The following C5orf46 variants were observed in gnomAD, a reference collection of about 807,000 sequenced individuals.
The protein encoded by C5orf46 is chromosome 5 open reading frame 46, also known as uncharacterized protein C5orf46.
In C5orf46, 9 loss-of-function variants were observed where a neutral mutation model predicts 8.9. The ratio of observed to expected loss-of-function variants is 1.01; its 90% CI spans 0.61 to 1.76. C5orf46 has a LOEUF of 1.76. Ranked by LOEUF, C5orf46 falls within the 40% of genes most tolerant of loss-of-function variation. The probability of loss-of-function intolerance (pLI) is 0.00; values close to 1 mark genes in which losing one functional copy is unlikely to be tolerated. For synonymous variants in C5orf46, 47 were observed against 41.4 expected (o/e 1.14, Z -0.52); for missense variants, 98 against 107.8 (o/e 0.91, Z 0.40).
intron 2 of C5orf46, chr5:147,887,258 C>T (rs1334510867): frequency 1.3e-5 from 2 of 152,040 alleles, no homozygotes; most frequent in East Asian, 1.9e-4. Flanking sequence ...TCAAGGAAAA[C>T]ATTTGTGTAT....
downstream of C5orf46, among the ~76,000 whole-genome samples, chr5:147,891,393 G>A (rs115849651): frequency 0.014 from 2,190 of 152,222 alleles, 58 homozygotes; most frequent in African/African-American, 0.049. Context: ...GGAGGAAGAG[G>A]AAACACACAT....
At chr5:147,896,537 T>C (rs183032235) in intron 3 of C5orf46, among the ~76,000 whole-genome samples, 32 of 152,322 alleles carry the variant, frequency 2.1e-4, no homozygotes, top group African/African-American at 7.2e-4. Context: ...GCACTCAAAC[T>C]ATATTGTTTG....
chr5:147,892,313 G>T (rs1366728948), downstream of C5orf46, among the ~76,000 whole-genome samples: 1 of 152,112 alleles, frequency 6.6e-6, no homozygotes, highest in African/African-American at 2.4e-5. Context: ...CCCTGACACT[G>T]CTATTTTATG....
chr5:147,896,031 A>G (rs575014017), intron 3 of C5orf46, among the ~76,000 whole-genome samples: 6 of 152,196 alleles, frequency 3.9e-5, no homozygotes, highest in Non-Finnish European at 5.9e-5. Context: ...GGGAAAGGCC[A>G]TGCTTCCTGA....
chr5:147,899,563 T>G (rs1757635308), intron 2 of C5orf46, among the ~76,000 whole-genome samples: 1 of 152,214 alleles, frequency 6.6e-6, no homozygotes, highest in Non-Finnish European at 1.5e-5. Flanking sequence ...TGCCTGACAC[T>G]ATATGCCATG....
intron 1 of C5orf46, among the ~76,000 whole-genome samples, chr5:147,904,370 T>A (rs1757718345): frequency 6.6e-6 from 1 of 152,130 alleles, no homozygotes; most frequent in Non-Finnish European, 1.5e-5. Context: ...TGACCCAGGG[T>A]TTGAACCTAA....
At chr5:147,885,992 A>G (rs148067469) in intron 2 of C5orf46, 96 of 152,328 alleles carry the variant, frequency 6.3e-4, no homozygotes, top group African/African-American at 2.3e-3. Flanking sequence ...ATACTATTCA[A>G]CAAAAAAGGA....
At chr5:147,905,123 A>G (rs899879220) in intron 1 of C5orf46, among the ~76,000 whole-genome samples, 3 of 152,122 alleles carry the variant, frequency 2.0e-5, no homozygotes, top group African/African-American at 7.2e-5. Context: ...TTCAAAGTCA[A>G]TAGTTTAATA....
chr5:147,897,895 C>A (rs924914732), intron 2 of C5orf46, among the ~76,000 whole-genome samples: 2 of 152,060 alleles, frequency 1.3e-5, no homozygotes, highest in African/African-American at 2.4e-5. Flanking sequence ...CAAACATGAC[C>A]TGCTTTAAAA....
chr5:147,898,291 T>C (rs571278634), intron 2 of C5orf46, among the ~76,000 whole-genome samples: 23 of 152,234 alleles, frequency 1.5e-4, no homozygotes, highest in African/African-American at 4.8e-4. Context: ...AGGGTGCATA[T>C]ACATATACCC....
chr5:147,903,740 G>A (rs1252206018), intron 1 of C5orf46, among the ~76,000 whole-genome samples: 3 of 151,964 alleles, frequency 2.0e-5, no homozygotes, highest in Non-Finnish European at 4.4e-5. Flanking sequence ...GTATTTTTGG[G>A]CCTACTTTTT....
At chr5:147,901,064 C>T (rs1757660496) in intron 2 of C5orf46, among the ~76,000 whole-genome samples, 1 of 152,098 alleles carries the variant, frequency 6.6e-6, no homozygotes, top group Non-Finnish European at 1.5e-5. Flanking sequence ...TCTAGATTGT[C>T]TTTAAAGAGA....
At chr5:147,890,812 G>A (rs865915843), downstream of C5orf46, among the ~76,000 whole-genome samples, 1 of 152,030 alleles carries the variant, frequency 6.6e-6, no homozygotes, top group Non-Finnish European at 1.5e-5. Context: ...GAAAGGAAGG[G>A]AAGTGAATAA....
chr5:147,901,486 T>C, intron 2 of C5orf46, 143 bp downstream of exon 2: 2 of 709,750 alleles, frequency 2.8e-6, no homozygotes, highest in Non-Finnish European at 4.4e-6. Context: ...ATATTTTAAG[T>C]AGGGCAACAT....
At chr5:147,897,230 T>C (rs1757595577) in intron 2 of C5orf46, among the ~76,000 whole-genome samples, 189 bp from the exon 3 acceptor site, 1 of 152,204 alleles carries the variant, frequency 6.6e-6, no homozygotes, top group Non-Finnish European at 1.5e-5. Context: ...AATTATCTTT[T>C]TTGCATCTGC....
At chr5:147,901,459 T>G in intron 2 of C5orf46, 170 bp downstream of exon 2, 1 of 571,230 alleles carries the variant, frequency 1.8e-6, no homozygotes, top group Non-Finnish European at 2.9e-6. Context: ...TCAGGGCAGT[T>G]GATTCAGATG....
chr5:147,905,661 G>A (rs1757739788), intron 1 of C5orf46, among the ~76,000 whole-genome samples: 1 of 152,130 alleles, frequency 6.6e-6, no homozygotes, highest in South Asian at 2.1e-4. Context: ...CATACAGCAT[G>A]AGCTTCTATG....
downstream of C5orf46, among the ~76,000 whole-genome samples, chr5:147,892,218 A>G (rs1757512017): frequency 6.6e-6 from 1 of 152,230 alleles, no homozygotes; most frequent in African/African-American, 2.4e-5. Flanking sequence ...CAAGAACCAT[A>G]GCCATGGCTG....
intron 3 of C5orf46, among the ~76,000 whole-genome samples, chr5:147,893,966 C>T (rs868402232): frequency 6.6e-6 from 1 of 150,484 alleles, no homozygotes; most frequent in South Asian, 2.1e-4. Flanking sequence ...TTCATGAAAA[C>T]GTAATCAAGT....
Sources: allele counts gnomAD v4.1 joint callset (sites outside exome capture counted in the v4.1 genomes callset), GRCh38; gene constraint gnomAD v4.1.1; transcripts MANE v1.5; gene names NCBI Gene and HGNC (gene_info 2026-07-23, HGNC 2026-07-21).